Variants in RGS7 observed in about 807,000 individuals in gnomAD.
RGS7 encodes regulator of G-protein signaling 7.
Under a neutral mutation model 81.1 loss-of-function variants are expected in RGS7, and 27 were observed. That is an observed-to-expected ratio of 0.33 (90% CI 0.25 to 0.46). RGS7 has a LOEUF of 0.46. Ranked by LOEUF, RGS7 falls within the 20% of genes least tolerant of loss-of-function variation. RGS7 has a pLI of 1.00. For synonymous variants in RGS7, 208 were observed against 207.7 expected, an observed-to-expected ratio of 1.00 and a Z score of -0.01; for missense variants, 396 against 607.4, an observed-to-expected ratio of 0.65 and a Z score of 3.66.
intron 2 of RGS7, among the ~76,000 whole-genome samples, chr1:241,209,240 T>C (rs953583580): frequency 6.6e-6 from 1 of 152,162 alleles, no homozygotes; most frequent in African/African-American, 2.4e-5. Flanking sequence ...ATGACACACT[T>C]ATCTATGTGT....
At chr1:240,883,921 C>G (rs932573285) in intron 6 of RGS7, among the ~76,000 whole-genome samples, 1 of 151,634 alleles carries the variant, frequency 6.6e-6, no homozygotes, top group Non-Finnish European at 1.5e-5. Flanking sequence ...ACTAAAAATA[C>G]AAAAATTAGC....
intron 9 of RGS7, among the ~76,000 whole-genome samples, chr1:240,854,126 T>G (rs1188354410): frequency 6.6e-6 from 1 of 152,122 alleles, no homozygotes; most frequent in African/African-American, 2.4e-5. Flanking sequence ...ATGATTGCTT[T>G]CACTGTGTGA....
At chr1:241,191,376 CT>C (rs1399230448) in intron 2 of RGS7, among the ~76,000 whole-genome samples, 1 of 151,938 alleles carries the variant, frequency 6.6e-6, no homozygotes, top group Non-Finnish European at 1.5e-5. Flanking sequence ...TCATGTGAGC[CT>C]TTTTTTCTTT....
At chr1:240,976,862 A>G (rs1684163386) in intron 4 of RGS7, among the ~76,000 whole-genome samples, 1 of 52,308 alleles carries the variant, frequency 1.9e-5, no homozygotes, top group Admixed American at 2.4e-4. Context: ...TCTATCTACC[A>G]TCCATCATCT....
chr1:241,100,141 C>T (rs942784218), intron 2 of RGS7, among the ~76,000 whole-genome samples: 2 of 150,008 alleles, frequency 1.3e-5, no homozygotes, highest in Non-Finnish European at 3.0e-5. Flanking sequence ...TTTGGGAGGC[C>T]GAGGCGGGCG....
intron 2 of RGS7, among the ~76,000 whole-genome samples, chr1:241,275,457 T>G (rs1383625517): frequency 1.3e-5 from 2 of 152,190 alleles, no homozygotes; most frequent in Non-Finnish European, 2.9e-5. Flanking sequence ...CTTGGTCGCC[T>G]TGGCTTCCTT....
At chr1:241,339,208 C>T (rs7544393) in intron 2 of RGS7, among the ~76,000 whole-genome samples, 5,881 of 152,210 alleles carry the variant, frequency 0.039, 397 homozygotes, top group African/African-American at 0.13. Flanking sequence ...CCCCTGCAAA[C>T]GACATGATCT....
At chr1:241,095,470 T>C (rs1318198237) in intron 3 of RGS7, among the ~76,000 whole-genome samples, 2 of 152,046 alleles carry the variant, frequency 1.3e-5, no homozygotes, top group African/African-American at 2.4e-5. Flanking sequence ...GGTGAGATCT[T>C]GTCTCTACCA....
chr1:241,173,587 C>T (rs1449886995), intron 2 of RGS7, among the ~76,000 whole-genome samples: 1 of 152,042 alleles, frequency 6.6e-6, no homozygotes, highest in Non-Finnish European at 1.5e-5. Context: ...GAGTTCAAGA[C>T]CAGCCTGTGC....
At chr1:241,096,368 A>C (rs2064260370) in intron 3 of RGS7, among the ~76,000 whole-genome samples, 1 of 152,138 alleles carries the variant, frequency 6.6e-6, no homozygotes, top group Non-Finnish European at 1.5e-5. Context: ...TGAGAACATT[A>C]TAATTTGGGA....
At chr1:241,102,806 TTTATGTC>T (rs2064852464) in intron 2 of RGS7, among the ~76,000 whole-genome samples, 1 of 152,056 alleles carries the variant, frequency 6.6e-6, no homozygotes, top group Non-Finnish European at 1.5e-5. Flanking sequence ...GTGATTGAGA[TTTATGTC>T]TCAATCACTC....
At chr1:241,026,672 G>A (rs1289422306) in intron 3 of RGS7, among the ~76,000 whole-genome samples, 1 of 152,132 alleles carries the variant, frequency 6.6e-6, no homozygotes, top group Non-Finnish European at 1.5e-5. Flanking sequence ...CAGGCAGGAA[G>A]GGCCATGCTC....
chr1:241,043,088 T>G (rs2060712797), intron 3 of RGS7, among the ~76,000 whole-genome samples: 1 of 152,208 alleles, frequency 6.6e-6, no homozygotes, highest in Non-Finnish European at 1.5e-5. Context: ...TTTGCTCAAA[T>G]GACTTTAATC....
At chr1:240,793,607 A>AT (rs1461920030) in intron 18 of RGS7, among the ~76,000 whole-genome samples, 341 of 33,722 alleles carry the variant, frequency 0.01, 2 homozygotes, top group Non-Finnish European at 0.017. Flanking sequence ...ATATATATAT[A>AT]TATATTTTTT....
At chr1:241,097,565 T>C (rs1422386050) in intron 3 of RGS7, among the ~76,000 whole-genome samples, 1 of 152,068 alleles carries the variant, frequency 6.6e-6, no homozygotes. Flanking sequence ...CTGCAACCCC[T>C]GTACAGGAAT....
intron 2 of RGS7, among the ~76,000 whole-genome samples, chr1:241,100,200 C>G (rs1279607718): frequency 6.6e-6 from 1 of 150,734 alleles, no homozygotes; most frequent in Non-Finnish European, 1.5e-5. Context: ...ACGGTGAAAC[C>G]CCATCTCTAC....
intron 2 of RGS7, among the ~76,000 whole-genome samples, chr1:241,293,826 C>T (rs1005460371): frequency 5.3e-5 from 8 of 152,146 alleles, no homozygotes; most frequent in African/African-American, 1.2e-4. Context: ...AATAGGAACA[C>T]GTTTACAGTG....
In RGS7 at chr1:241,355,681, A is replaced by G. The variant is rs749118025; in HGVS notation, c.78+18T>C. The G allele has an allele frequency of 5.6e-6, 9 of 1,610,728 alleles. No individual in the cohort carries two copies. The Admixed American group carries it at 1.3e-4, about 24-fold the overall frequency. On this transcript the variant is annotated intron_variant, in intron 2 of 18. Coordinates refer to ENST00000440928, the MANE Select transcript of RGS7 (RefSeq NM_001364886.1). Reference sequence around the variant, plus strand: ...GCCGGAAGTTTCCCGTTTTCCAAGAAACTGAAGACATTCTTACCTTTCTGT... The same window carrying G: ...GCCGGAAGTTTCCCGTTTTCCAAGAGACTGAAGACATTCTTACCTTTCTGT...
intron 2 of RGS7, among the ~76,000 whole-genome samples, chr1:241,170,247 G>T (rs1264739837): frequency 2.0e-5 from 3 of 152,128 alleles, no homozygotes; most frequent in African/African-American, 7.2e-5. Flanking sequence ...ATTTCCCAAA[G>T]ATTTGAAATA....
Sources: allele counts gnomAD v4.1 joint callset (sites outside exome capture counted in the v4.1 genomes callset), GRCh38; gene constraint gnomAD v4.1.1; transcripts MANE v1.5; gene names NCBI Gene and HGNC (gene_info 2026-07-23, HGNC 2026-07-21).